The following FHIT variants were observed in gnomAD, a reference collection of about 807,000 sequenced individuals.
The protein encoded by FHIT is bis(5'-adenosyl)-triphosphatase.
Under a neutral mutation model 17.9 loss-of-function variants are expected in FHIT, and 19 were observed. The observed-to-expected ratio is 1.06, with a 90% confidence interval of 0.74 to 1.56. The LOEUF (loss-of-function observed/expected upper bound fraction) is 1.56, where lower values mean the gene tolerates loss of function less well. FHIT is among the 40% of genes most tolerant of loss of function. The probability of loss-of-function intolerance (pLI) is 0.00; values close to 1 mark genes in which losing one functional copy is unlikely to be tolerated. For synonymous variants in FHIT, 81 were observed against 69.7 expected, an observed-to-expected ratio of 1.16 and a Z score of -0.81; for missense variants, 248 against 189.2, an observed-to-expected ratio of 1.31 and a Z score of -1.82.
intron 5 of FHIT, among the ~76,000 whole-genome samples, chr3:60,181,510 T>C (rs1337621665): frequency 1.3e-5 from 2 of 152,162 alleles, no homozygotes; most frequent in Non-Finnish European, 2.9e-5. Context: ...TAAAGGAATT[T>C]CCCAAGGATA....
At chr3:60,466,019 C>T (rs1167506544) in intron 5 of FHIT, among the ~76,000 whole-genome samples, 1 of 152,048 alleles carries the variant, frequency 6.6e-6, no homozygotes, top group Non-Finnish European at 1.5e-5. Context: ...AAACCATGAA[C>T]ATGGAATATC....
chr3:60,292,828 AT>A (rs1214346629), intron 5 of FHIT, among the ~76,000 whole-genome samples: 2 of 149,738 alleles, frequency 1.3e-5, no homozygotes, highest in Non-Finnish European at 3.0e-5. Flanking sequence ...TGAAATGTGT[AT>A]TTTTTTGTTT....
chr3:60,762,660 C>T (rs1575493133), intron 4 of FHIT, among the ~76,000 whole-genome samples: 1 of 152,284 alleles, frequency 6.6e-6, no homozygotes, highest in East Asian at 1.9e-4. Context: ...ATCTGGATGT[C>T]ACTGTGAAGG....
At chr3:59,766,365 T>C (rs568882888) in intron 8 of FHIT, among the ~76,000 whole-genome samples, 1 of 152,316 alleles carries the variant, frequency 6.6e-6, no homozygotes, top group South Asian at 2.1e-4. Context: ...TGCAACATAG[T>C]AGCATTTGCC....
At chr3:61,177,070 G>A (rs1337244657) in intron 2 of FHIT, among the ~76,000 whole-genome samples, 1 of 151,980 alleles carries the variant, frequency 6.6e-6, no homozygotes, top group African/African-American at 2.4e-5. Flanking sequence ...CCAGCTACTT[G>A]GGAGGCTGAG....
intron 3 of FHIT, among the ~76,000 whole-genome samples, chr3:60,989,579 T>A (rs2107578328): frequency 6.6e-6 from 1 of 152,328 alleles, no homozygotes; most frequent in East Asian, 1.9e-4. Flanking sequence ...CAACTGAAGT[T>A]AGAAAGGTTA....
At chr3:60,512,242 G>C (rs753570661) in intron 5 of FHIT, among the ~76,000 whole-genome samples, 1 of 152,134 alleles carries the variant, frequency 6.6e-6, no homozygotes, top group Non-Finnish European at 1.5e-5. Context: ...GTAGCATCCT[G>C]AATCAGATTA....
chr3:60,106,181 G>T (rs887547074), intron 5 of FHIT, among the ~76,000 whole-genome samples: 3 of 152,292 alleles, frequency 2.0e-5, no homozygotes, highest in African/African-American at 7.2e-5. Flanking sequence ...CAGTGCTTAT[G>T]TTTAAGTAAC....
At chr3:61,216,477 T>C (rs1028837301) in intron 1 of FHIT, among the ~76,000 whole-genome samples, 2 of 152,134 alleles carry the variant, frequency 1.3e-5, no homozygotes, top group African/African-American at 4.8e-5. Context: ...TGGCAATCAT[T>C]AAAAAGTCAG....
chr3:61,163,426 G>T (rs1291134462), intron 2 of FHIT, among the ~76,000 whole-genome samples: 1 of 152,206 alleles, frequency 6.6e-6, no homozygotes. Flanking sequence ...ACAGAAGGCT[G>T]AAACAATATT....
chr3:61,073,057 G>T (rs1252140885), intron 2 of FHIT, among the ~76,000 whole-genome samples: 6 of 152,070 alleles, frequency 3.9e-5, no homozygotes, highest in Non-Finnish European at 8.8e-5. Flanking sequence ...TGCTGTAATG[G>T]ATTATATCTT....
chr3:60,825,298 A>G (rs1702074513), intron 3 of FHIT, among the ~76,000 whole-genome samples: 1 of 152,214 alleles, frequency 6.6e-6, no homozygotes, highest in African/African-American at 2.4e-5. Context: ...CTTAAAGGCA[A>G]ATCAGTAAAT....
chr3:60,880,578 CA>C (rs1439214422), intron 3 of FHIT, among the ~76,000 whole-genome samples: 1 of 152,126 alleles, frequency 6.6e-6, no homozygotes, highest in African/African-American at 2.4e-5. Context: ...ACTCAACACA[CA>C]AAATTAGCTG....
intron 4 of FHIT, among the ~76,000 whole-genome samples, chr3:60,786,272 T>G (rs1295743638): frequency 6.6e-6 from 1 of 152,168 alleles, no homozygotes; most frequent in Non-Finnish European, 1.5e-5. Context: ...ATGGGCATTT[T>G]CTGGCAAGAA....
rs1034401894 is a variant in FHIT, at chr3:60,923,773, G to A, written c.-110-101762C>T. Among the ~76,000 whole-genome samples the A allele has an allele frequency of 2.2e-4, 34 of 152,152 alleles. 1 individual carries two copies. Among genetic ancestry groups the A allele is most frequent in the Non-Finnish European group, 2.5e-4 (17 of 68,036 alleles). On this transcript the variant is annotated intron_variant, in intron 3 of 9. Coordinates refer to ENST00000492590, the MANE Select transcript of FHIT (RefSeq NM_002012.4). ...AGCAGGGCAAGGCATCATCTCACCC[G>A]AGAAGCACAAGGGGTCAGAGAATTC... is the stretch of plus-strand genomic sequence containing the variant.
chr3:59,975,759 C>G (rs959148897), intron 7 of FHIT, among the ~76,000 whole-genome samples: 13 of 151,994 alleles, frequency 8.6e-5, no homozygotes, highest in African/African-American at 3.1e-4. Flanking sequence ...CATGTGGGAG[C>G]CTGGTAGGTC....
intron 5 of FHIT, among the ~76,000 whole-genome samples, chr3:60,203,317 A>G (rs1015992734): frequency 1.3e-5 from 2 of 152,230 alleles, no homozygotes; most frequent in Non-Finnish European, 2.9e-5. Context: ...GTAAAAGTTC[A>G]GGAATAGTGT....
At chr3:59,834,374 C>T (rs1173450028) in intron 8 of FHIT, among the ~76,000 whole-genome samples, 1 of 152,046 alleles carries the variant, frequency 6.6e-6, no homozygotes, top group Non-Finnish European at 1.5e-5. Flanking sequence ...GCTAAATAGA[C>T]AGACAGACAG....
chr3:60,425,099 T>C (rs1261192410), intron 5 of FHIT, among the ~76,000 whole-genome samples: 1 of 151,906 alleles, frequency 6.6e-6, no homozygotes, highest in African/African-American at 2.4e-5. Flanking sequence ...AACACATGGA[T>C]CAAGGGAGGA....
Sources: gnomAD v4.1 joint callset for allele counts (sites outside exome capture counted in the v4.1 genomes callset) on GRCh38, gnomAD v4.1.1 for gene constraint, MANE v1.5 for transcripts, NCBI Gene and HGNC (gene_info 2026-07-23, HGNC 2026-07-21) for gene names.